Variants in GATM observed in about 807,000 individuals in gnomAD.
The protein encoded by GATM is glycine amidinotransferase, mitochondrial.
GATM carries 23 observed loss-of-function variants against 54.2 expected under a neutral mutation model. The ratio of observed to expected loss-of-function variants is 0.42; its 90% confidence interval spans 0.31 to 0.60. GATM has a LOEUF of 0.60. Ranked by LOEUF, GATM falls within the 20% of genes least tolerant of loss-of-function variation. GATM has a pLI of 0.14. For synonymous variants in GATM, 168 were observed against 183.1 expected (o/e 0.92, Z 0.67); for missense variants, 401 against 544.9 (o/e 0.74, Z 2.63).
In GATM at chr15:45,361,194, A is replaced by G. The variant is rs576306886; in HGVS notation, c.*915T>C. 6.4e-4 allele frequency: 98 copies of G among 152,322 alleles called. No individual in the cohort carries two copies. Among genetic ancestry groups the G allele is most frequent in the African/African-American group, 2.3e-3 (96 of 41,574 alleles). The allele number at this position is 152,322 out of a possible 1,614,324, so 9.4% of individuals were successfully genotyped here. On this transcript the variant is annotated 3_prime_UTR_variant, in exon 9 of 9. Transcript: ENST00000396659. ...GGTATCAACACTAAAATTATTTCAC[A>G]TCGCATTTAGGTTTTACCTCCATTA... is the stretch of plus-strand genomic sequence containing the variant.
At chr15:45,388,796 G>T (rs1889836548) in intron 3 of GATM, among the ~76,000 whole-genome samples, 1 of 152,124 alleles carries the variant, frequency 6.6e-6, no homozygotes, top group South Asian at 2.1e-4. Context: ...GGTAGTGTCT[G>T]CCGGGTTTTT....
At chr15:45,400,202 ACAG>A (rs1889982435) in intron 1 of GATM, among the ~76,000 whole-genome samples, 5 of 152,266 alleles carry the variant, frequency 3.3e-5, no homozygotes, top group Admixed American at 1.3e-4. Context: ...AGACTGGGTG[ACAG>A]AGCAAGACTG....
At position 45,376,820 on chromosome 15, in the gene GATM, C is replaced by T. The variant is rs1456925351; in HGVS notation, c.70-1G>A. On this transcript the variant is annotated splice_acceptor_variant, in intron 1 of 8. Coordinates refer to ENST00000396659, the MANE Select transcript of GATM (RefSeq NM_001482.3). LOFTEE classifies it high-confidence loss of function. ...CCCATCCTGTCAAGGTTCGTCCAAG[C>T]TTCCAAGAACAAAGAAAAGATTATT... 6.2e-7 allele frequency: 1 copy of T among 1,612,624 alleles called. No individual in the cohort carries two copies. Among genetic ancestry groups the T allele is most frequent in the Non-Finnish European group, 8.5e-7 (1 of 1,179,244 alleles).
chr15:45,401,111 T>C (rs758929923), intron 1 of GATM, among the ~76,000 whole-genome samples: 1 of 152,222 alleles, frequency 6.6e-6, no homozygotes, highest in African/African-American at 2.4e-5. Flanking sequence ...TGCTATTTTC[T>C]GATTCCTAAA....
chr15:45,386,907 T>C (rs563024947), intron 3 of GATM, among the ~76,000 whole-genome samples: 1 of 152,308 alleles, frequency 6.6e-6, no homozygotes, highest in South Asian at 2.1e-4. Context: ...CAAATAGAAT[T>C]ATTCAGAATT....
chr15:45,369,455 G>A lies in GATM; in HGVS notation c.355C>T (p.His119Tyr). The A allele has an allele frequency of 6.2e-7, 1 of 1,614,096 alleles. No homozygotes were observed. Among genetic ancestry groups the A allele is most frequent in the South Asian group, 1.1e-5 (1 of 91,068 alleles). Reference sequence around the variant, plus strand: ...ATTTCAGCAACAGCCTTTTTCAAATGATCTTTGGGAAAATAATGCCCTCCT... The same window carrying A: ...ATTTCAGCAACAGCCTTTTTCAAATAATCTTTGGGAAAATAATGCCCTCCT... Reference protein sequence around the residue: ...KQGGHYFPKDHLKKAVAEIEE... With the variant: ...KQGGHYFPKDYLKKAVAEIEE... Residue 119 changes from histidine to tyrosine, a missense_variant, in exon 3 of 9, where the codon CAT (histidine) becomes TAT (tyrosine). Coordinates refer to ENST00000396659, the MANE Select transcript of GATM (RefSeq NM_001482.3).
intron 4 of GATM, among the ~76,000 whole-genome samples, chr15:45,366,852 A>G (rs974619511): frequency 1.3e-5 from 2 of 152,252 alleles, no homozygotes; most frequent in Admixed American, 1.3e-4. Context: ...TTAGTAAAGT[A>G]TATTTATATA....
chr15:45,378,684 G>A (rs1163348240), upstream of GATM: 7 of 393,518 alleles, frequency 1.8e-5, no homozygotes, highest in Non-Finnish European at 2.7e-5. Context: ...CGCCGCGGCC[G>A]CTGGCTCGAG....
chr15:45,364,724 C>T (rs1889420836), intron 7 of GATM, 73 bp downstream of exon 7: 3 of 1,355,680 alleles, frequency 2.2e-6, no homozygotes, highest in Non-Finnish European at 3.2e-6. Context: ...ATTTGGGCTG[C>T]TCTCTATAGG....
intron 3 of GATM, among the ~76,000 whole-genome samples, chr15:45,383,688 G>A (rs1008554819): frequency 1.3e-5 from 2 of 151,702 alleles, no homozygotes; most frequent in African/African-American, 2.4e-5. Context: ...TCCGCCTCCC[G>A]GGTTAAAGCG....
intron 1 of GATM, 90 bp downstream of exon 1, chr15:45,378,295 G>A: frequency 3.0e-6 from 3 of 998,414 alleles, no homozygotes; most frequent in Non-Finnish European, 4.4e-6. Context: ...GAAGGTGGCG[G>A]CTCCGGGCAG....
At chr15:45,393,776 G>C (rs1323692824) in intron 3 of GATM, among the ~76,000 whole-genome samples, 2 of 152,136 alleles carry the variant, frequency 1.3e-5, no homozygotes, top group Admixed American at 1.3e-4. Flanking sequence ...CTGAAATGCT[G>C]TAATGAGCAT....
chr15:45,389,985 G>A (rs575327508), intron 3 of GATM, among the ~76,000 whole-genome samples: 2 of 151,988 alleles, frequency 1.3e-5, no homozygotes, highest in South Asian at 2.1e-4. Flanking sequence ...CCTGCCTCCC[G>A]AATAGCTGGG....
chr15:45,367,950 G>T, intron 4 of GATM, 120 bp downstream of exon 4: 3 of 752,960 alleles, frequency 4.0e-6, no homozygotes, highest in Non-Finnish European at 6.7e-6. Context: ...TTAAAAATAA[G>T]ATGATGTTTT....
At chr15:45,373,790 C>CTTAGAT (rs1378823530) in intron 2 of GATM, among the ~76,000 whole-genome samples, 1 of 152,126 alleles carries the variant, frequency 6.6e-6, no homozygotes, top group Non-Finnish European at 1.5e-5. Flanking sequence ...CCATGCATGT[C>CTTAGAT]TTAGATTTAC....
chr15:45,394,770 C>G (rs1889909410), intron 3 of GATM, among the ~76,000 whole-genome samples: 2 of 152,136 alleles, frequency 1.3e-5, no homozygotes, highest in Non-Finnish European at 2.9e-5. Flanking sequence ...CATTCAGTAC[C>G]AAGGATGGGG....
At chr15:45,382,381 G>T (rs1889751796), upstream of GATM, among the ~76,000 whole-genome samples, 1 of 152,174 alleles carries the variant, frequency 6.6e-6, no homozygotes, top group Admixed American at 6.5e-5. Context: ...TCAGTATTCT[G>T]CTGGGTGTGG....
At chr15:45,386,945 A>G (rs1006320951) in intron 3 of GATM, among the ~76,000 whole-genome samples, 1 of 152,198 alleles carries the variant, frequency 6.6e-6, no homozygotes, top group African/African-American at 2.4e-5. Context: ...AGTAGGGTCC[A>G]ATATTGAACT....
intron 3 of GATM, among the ~76,000 whole-genome samples, chr15:45,390,607 A>G (rs1889861382): frequency 6.6e-6 from 1 of 152,196 alleles, no homozygotes; most frequent in African/African-American, 2.4e-5. Flanking sequence ...GGATTTTAGG[A>G]CAGCATCAAT....
Sources: allele counts gnomAD v4.1 joint callset (sites outside exome capture counted in the v4.1 genomes callset), GRCh38; gene constraint gnomAD v4.1.1; transcripts MANE v1.5; gene names NCBI Gene and HGNC (gene_info 2026-07-23, HGNC 2026-07-21).